Variants in DAXX observed in about 807,000 individuals in gnomAD.
DAXX encodes death domain associated protein.
DAXX carries 24 observed loss-of-function variants against 61.9 expected under a neutral mutation model. The ratio of observed to expected loss-of-function variants is 0.39; its 90% CI spans 0.28 to 0.55. The LOEUF (loss-of-function observed/expected upper bound fraction) is 0.55. Ranked by LOEUF, DAXX falls within the 20% of genes least tolerant of loss-of-function variation. The pLI is 0.69. For synonymous variants in DAXX, 357 were observed against 369.5 expected, an observed-to-expected ratio of 0.97 and a Z score of 0.39; for missense variants, 819 against 935.3, an observed-to-expected ratio of 0.88 and a Z score of 1.62.
intron 6 of DAXX, 26 bp from the exon 7 acceptor site, chr6:33,319,245 G>C: frequency 6.3e-7 from 1 of 1,577,950 alleles, no homozygotes; most frequent in East Asian, 2.2e-5. Flanking sequence ...TAAATATGTG[G>C]AGGGGTACGG....
rs2150998714 is a variant in DAXX at position 33,321,555 on chromosome 6, A to G, written c.220T>C (p.Cys74Arg). The G allele has an allele frequency of 6.2e-7, 1 of 1,613,622 alleles. No homozygotes were observed. The highest frequency in any genetic ancestry group is 8.5e-7 in the Non-Finnish European group (1 of 1,179,678). The part of the protein sequence containing the change: ...EKLFEEFLEL[C>R]KMQTADHPEV... ...GGGTGGTCTGCTGTCTGCATCTTAC[A>G]AAGTTCAAGGAACTAGAAGGTTCAG... Residue 74 changes from cysteine to arginine, a missense_variant, in exon 3 of 8, where the codon TGT becomes CGT. Physicochemically the swap from Cys to Arg is radical, Grantham distance 180. Coordinates refer to ENST00000374542, the MANE Select transcript of DAXX (RefSeq NM_001141969.2). The surrounding 1 kb of genome is among the most constrained non-coding windows in gnomAD (Gnocchi z 7.2).
intron 6 of DAXX, 73 bp downstream of exon 6, chr6:33,319,307 C>T: frequency 6.4e-7 from 1 of 1,565,654 alleles, no homozygotes; most frequent in Non-Finnish European, 8.7e-7. Context: ...AGACTCAGTT[C>T]CCCAGTATTG....
intron 1 of DAXX, 180 bp from the exon 2 acceptor site, chr6:33,322,157 G>GGT (rs1211051617): frequency 1.1e-5 from 5 of 463,054 alleles, no homozygotes; most frequent in Non-Finnish European, 1.9e-5. Context: ...AGTGGTGTGG[G>GGT]GGGGGGGCAA....
chr6:33,319,992 G>T lies in DAXX; in HGVS notation c.1465+19C>A. On this transcript the variant is annotated intron_variant, in intron 5 of 7. Coordinates refer to ENST00000374542, the MANE Select transcript of DAXX (RefSeq NM_001141969.2). ...ACAAAACAGAAATGACAGGTGAGGAGAATGTTCCCTTGACATACCTGCTGC... is the reference window on the plus strand; with the variant it reads ...ACAAAACAGAAATGACAGGTGAGGATAATGTTCCCTTGACATACCTGCTGC... The T allele has an allele frequency of 3.7e-6, 6 of 1,613,900 alleles. No homozygotes were observed. The highest frequency in any genetic ancestry group is 5.1e-6 in the Non-Finnish European group (6 of 1,179,880).
chr6:33,321,546 G>C lies in DAXX; in HGVS notation c.229C>G (p.Gln77Glu), dbSNP rs753873831. The C allele has an allele frequency of 6.2e-7, 1 of 1,613,694 alleles. No homozygotes were observed. The highest frequency in any genetic ancestry group is 8.5e-7 in the Non-Finnish European group (1 of 1,179,818). Reference protein sequence around the residue: ...FEEFLELCKMQTADHPEVVPF... With the variant: ...FEEFLELCKMETADHPEVVPF... The stretch of plus-strand genomic sequence containing the variant: ...ACCACCTCAGGGTGGTCTGCTGTCT[G>C]CATCTTACAAAGTTCAAGGAACTAG... The change falls in exon 3 of 8, where the codon CAG becomes GAG. Residue 77 changes from glutamine to glutamate, a missense_variant. Coordinates refer to ENST00000374542, the MANE Select transcript of DAXX (RefSeq NM_001141969.2). This position sits in a 1 kb window ranked among gnomAD's most constrained non-coding sequence, Gnocchi z 7.2.
Position 33,320,299 on chromosome 6 carries a change from C to A in DAXX, c.1252-75G>T. On this transcript the variant is annotated intron_variant, in intron 4 of 7. Coordinates refer to ENST00000374542, the MANE Select transcript of DAXX (RefSeq NM_001141969.2). This position sits in a 1 kb window ranked among gnomAD's most constrained non-coding sequence, Gnocchi z 7.1. ...GGTTCTTGCTTTCCTTCTCATGCTCCCCCATCAGTCAACCTGGACTCCCTG... is the reference window on the plus strand; with the variant it reads ...GGTTCTTGCTTTCCTTCTCATGCTCACCCATCAGTCAACCTGGACTCCCTG... 1 of 1,424,348 alleles carries A rather than the reference C, an allele frequency of 7.0e-7. No homozygotes were observed. The highest frequency in any genetic ancestry group is 9.9e-7 in the Non-Finnish European group (1 of 1,006,960). 88.2% of individuals were successfully genotyped at this position (1,424,348 alleles called of 1,614,324 possible).
intron 1 of DAXX, among the ~76,000 whole-genome samples, chr6:33,322,333 T>C (rs1747527843): frequency 6.6e-6 from 1 of 152,006 alleles, no homozygotes; most frequent in Non-Finnish European, 1.5e-5. Context: ...AACACACTCC[T>C]GTGGGCGCCA....
Position 33,320,782 on chromosome 6 carries a change from A to G in DAXX, c.993T>C (p.Asp331=). 4.3e-6 allele frequency: 7 copies of G among 1,614,158 alleles called. No individual in the cohort carries two copies. The highest frequency in any genetic ancestry group is 5.9e-6 in the Non-Finnish European group (7 of 1,180,030). ...GIRLQERRHL[D]LIYNFGCHLT... is the part of the protein sequence containing the mutation. ...GGTGGCAGCCAAAGTTGTAGATGAG[A>G]TCGAGGTGACGTCGCTCCTGTAACC... The change falls in exon 3 of 8, where the codon GAT becomes GAC. Residue 331 remains aspartate, a synonymous_variant. Transcript: ENST00000374542. This position sits in a 1 kb window ranked among gnomAD's most constrained non-coding sequence, Gnocchi z 7.1.
rs201496418 is a variant in DAXX, at chr6:33,318,958, G to A, written c.2163+39C>T. ...AGCAGCTGAAACAGCCAATGAAAGA[G>A]AACAAATTGTCAGAGGAAACACGCC... is the stretch of plus-strand genomic sequence containing the variant. On this transcript the variant is annotated intron_variant, in intron 7 of 7. Transcript: ENST00000374542. The A allele has an allele frequency of 2.8e-5, 44 of 1,560,952 alleles. No homozygotes were observed. The Admixed American group carries it at 6.2e-4, about 22-fold the overall frequency.
chr6:33,319,860 AAAG>A lies in DAXX; in HGVS notation c.1466-9_1466-7del. The A allele has an allele frequency of 1.2e-6, 2 of 1,603,728 alleles. No homozygotes were observed. Among genetic ancestry groups the A allele is most frequent in the Non-Finnish European group, 1.7e-6 (2 of 1,174,964 alleles). On this transcript the variant is annotated splice_polypyrimidine_tract_variant and splice_region_variant and intron_variant, in intron 5 of 7. Coordinates refer to ENST00000374542, the MANE Select transcript of DAXX (RefSeq NM_001141969.2). ...GCTCTTGTCTCCATCTTTACCTGGAAAAGAAGAAAAGGGGAGAGGGTAGCCTGA... is the reference window on the plus strand; with the variant it reads ...GCTCTTGTCTCCATCTTTACCTGGAAAAGAAAAGGGGAGAGGGTAGCCTGA...
At position 33,319,592 on chromosome 6, in the gene DAXX, C is replaced by G; in HGVS notation, c.1728G>C (p.Leu576=). 1.2e-6 allele frequency: 2 copies of G among 1,614,140 alleles called. No individual in the cohort carries two copies. The highest frequency in any genetic ancestry group is 1.1e-5 in the South Asian group (1 of 91,086). The change falls in exon 6 of 8, where the codon CTG becomes CTC. Residue 576 remains leucine (L), a synonymous_variant. Coordinates refer to ENST00000374542, the MANE Select transcript of DAXX (RefSeq NM_001141969.2). The stretch of plus-strand genomic sequence containing the variant: ...CCGTCTCCACAGAGGAAGGGGTATC[C>G]AGGGGCAAAGCTTCAATCTCTAGCT... ...LFELEIEALP[L]DTPSSVETDI...
Position 33,320,019 on chromosome 6 carries a change from G to C in DAXX, c.1457C>G (p.Ala486Gly), listed in dbSNP as rs146304558. Residue 486 changes from alanine (A) to glycine (G), a missense_variant, in exon 5 of 8, where the codon GCA becomes GGA. By Grantham distance (60) the Ala-to-Gly change is moderately conservative. Transcript: ENST00000374542. This position sits in a 1 kb window ranked among gnomAD's most constrained non-coding sequence, Gnocchi z 7.1. ...DDEEEDEEEE[A>G]AAGKDGDKSP... ...ATGTTCCCTTGACATACCTGCTGCT[G>C]CTTCTTCCTCTTCGTCCTCCTCTTC... 8.4e-3 allele frequency: 13,564 copies of C among 1,613,814 alleles called. 97 individuals carry two copies. The highest frequency in any genetic ancestry group is 0.019 in the South Asian group (1,774 of 91,044).
At position 33,320,841 on chromosome 6, in the gene DAXX, T is replaced by C. The variant is rs997523625; in HGVS notation, c.934A>G (p.Met312Val). 5 of 1,614,040 alleles carry C rather than the reference T, an allele frequency of 3.1e-6. No homozygotes were observed. Among genetic ancestry groups the C allele is most frequent in the South Asian group, 1.1e-5 (1 of 91,084 alleles). The stretch of plus-strand genomic sequence containing the variant: ...ACATCTCGGAAGGCATCCTGAGCCA[T>C]GAGCTGGAGCTGCTGTCGGGGGAGG... ...LGLPRQQLQL[M>V]AQDAFRDVGI... Residue 312 changes from methionine (M) to valine (V), a missense_variant, in exon 3 of 8, where the codon ATG (methionine) becomes GTG (valine). Coordinates refer to ENST00000374542, the MANE Select transcript of DAXX (RefSeq NM_001141969.2). The surrounding 1 kb of genome is among the most constrained non-coding windows in gnomAD (Gnocchi z 7.1).
intron 1 of DAXX, 106 bp from the exon 2 acceptor site, chr6:33,322,083 C>T (rs531654654): frequency 1.4e-6 from 1 of 718,528 alleles, no homozygotes; most frequent in South Asian, 2.0e-5. Flanking sequence ...CAGCCCTGAC[C>T]AACACTGTCT....
Position 33,320,835 on chromosome 6 carries a change from G to C in DAXX, c.940C>G (p.Gln314Glu), listed in dbSNP as rs2150994167. 6.2e-7 allele frequency: 1 copy of C among 1,614,196 alleles called. No homozygotes were observed. Among genetic ancestry groups the C allele is most frequent in the Non-Finnish European group, 8.5e-7 (1 of 1,180,038 alleles). ...LPRQQLQLMAQDAFRDVGIRL... is the reference protein window; with the variant it reads ...LPRQQLQLMAEDAFRDVGIRL... Reference sequence around the variant, plus strand: ...ATGCCCACATCTCGGAAGGCATCCTGAGCCATGAGCTGGAGCTGCTGTCGG... The same window carrying C: ...ATGCCCACATCTCGGAAGGCATCCTCAGCCATGAGCTGGAGCTGCTGTCGG... The change falls in exon 3 of 8, where the codon CAG (glutamine) becomes GAG (glutamate). Residue 314 changes from glutamine (Q) to glutamate (E), a missense_variant. By Grantham distance (29) the Gln-to-Glu change is conservative. Transcript: ENST00000374542. The surrounding 1 kb of genome is among the most constrained non-coding windows in gnomAD (Gnocchi z 7.1).
At position 33,319,505 on chromosome 6, in the gene DAXX, T is replaced by A; in HGVS notation, c.1815A>T (p.Ala605=). 2 of 1,614,156 alleles carry A rather than the reference T, an allele frequency of 1.2e-6. No individual in the cohort carries two copies. The highest frequency in any genetic ancestry group is 1.7e-6 in the Non-Finnish European group (2 of 1,180,022). ...EPFTTVLENG[A]GMVSSTSFNG... ...TGAAGGAAGTAGAAGAGACCATGCC[T>A]GCTCCATTCTCTAAGACAGTGGTGA... Residue 605 remains alanine (A), a synonymous_variant, in exon 6 of 8, where the codon GCA becomes GCT. Transcript: ENST00000374542.
intron 1 of DAXX, chr6:33,322,629 C>G: frequency 3.0e-6 from 1 of 333,150 alleles, no homozygotes; most frequent in Non-Finnish European, 5.9e-6. Context: ...CCCCCCGCAC[C>G]GCGCTACGCT....
chr6:33,320,841 T>A lies in DAXX; in HGVS notation c.934A>T (p.Met312Leu). Reference protein sequence around the residue: ...LGLPRQQLQLMAQDAFRDVGI... With the variant: ...LGLPRQQLQLLAQDAFRDVGI... ...ACATCTCGGAAGGCATCCTGAGCCATGAGCTGGAGCTGCTGTCGGGGGAGG... is the reference window on the plus strand; with the variant it reads ...ACATCTCGGAAGGCATCCTGAGCCAAGAGCTGGAGCTGCTGTCGGGGGAGG... Residue 312 changes from methionine (M) to leucine (L), a missense_variant, in exon 3 of 8, where the codon ATG becomes TTG. Physicochemically the swap from Met to Leu is conservative, Grantham distance 15. Coordinates refer to ENST00000374542, the MANE Select transcript of DAXX (RefSeq NM_001141969.2). The surrounding 1 kb of genome is among the most constrained non-coding windows in gnomAD (Gnocchi z 7.1). 1.2e-5 allele frequency: 19 copies of A among 1,614,158 alleles called. No individual in the cohort carries two copies. The highest frequency in any genetic ancestry group is 1.6e-5 in the Non-Finnish European group (19 of 1,180,024).
rs1222300931 is a variant in DAXX, at chr6:33,321,096, G to C, written c.679C>G (p.Arg227Gly). The change falls in exon 3 of 8, where the codon CGG (arginine) becomes GGG (glycine). Residue 227 changes from arginine (R) to glycine (G), a missense_variant. Arg to Gly is a moderately radical substitution (Grantham distance 125). Coordinates refer to ENST00000374542, the MANE Select transcript of DAXX (RefSeq NM_001141969.2). The surrounding 1 kb of genome is among the most constrained non-coding windows in gnomAD (Gnocchi z 7.2). Reference sequence around the variant, plus strand: ...AGGCGGATCAGCTTACGCTTCAACCGTGCCTCCTGCAGGTATGCGGAGTCT... The same window carrying C: ...AGGCGGATCAGCTTACGCTTCAACCCTGCCTCCTGCAGGTATGCGGAGTCT... ...DPDSAYLQEA[R>G]LKRKLIRLFG... is the part of the protein sequence containing the mutation. 6.2e-7 allele frequency: 1 copy of C among 1,611,638 alleles called. No homozygotes were observed. The highest frequency in any genetic ancestry group is 8.5e-7 in the Non-Finnish European group (1 of 1,177,726).
Sources: gnomAD v4.1 joint callset for allele counts (sites outside exome capture counted in the v4.1 genomes callset) on GRCh38, gnomAD v4.1.1 for gene constraint, Gnocchi (gnomAD v3.1) non-coding constraint, MANE v1.5 for transcripts, NCBI Gene and HGNC (gene_info 2026-07-23, HGNC 2026-07-21) for gene names.